CCDC12: variants seen among roughly 807,000 people sequenced by gnomAD.
CCDC12 encodes the protein coiled-coil domain containing 12, also known as coiled-coil domain-containing protein 12.
CCDC12 carries 28 observed loss-of-function variants against 25.7 expected under a neutral mutation model. That is an observed-to-expected ratio of 1.09 (90% confidence interval 0.81 to 1.50). The LOEUF (loss-of-function observed/expected upper bound fraction) is 1.50, where lower values mean the gene tolerates loss of function less well. Ranked by LOEUF, CCDC12 falls within the 40% of genes most tolerant of loss-of-function variation. The probability of loss-of-function intolerance (pLI) is 0.00; values close to 1 mark genes in which losing one functional copy is unlikely to be tolerated. For synonymous variants in CCDC12, 75 were observed against 87.7 expected, an observed-to-expected ratio of 0.86 and a Z score of 0.81; for missense variants, 198 against 210.0, an observed-to-expected ratio of 0.94 and a Z score of 0.35.
chr3:46,979,920 C>A, upstream of CCDC12: 1 of 386,918 alleles, frequency 2.6e-6, no homozygotes, highest in Non-Finnish European at 4.6e-6. Flanking sequence ...CAGGTGAGCC[C>A]GCCCCGCCCC....
At chr3:46,948,444 C>T (rs2033990618) in intron 1 of CCDC12, among the ~76,000 whole-genome samples, 1 of 152,230 alleles carries the variant, frequency 6.6e-6, no homozygotes, top group Admixed American at 6.5e-5. Flanking sequence ...TGCCTCAACG[C>T]TGTGGGGAGA....
chr3:46,928,317 C>T (rs1423137191), intron 2 of CCDC12, among the ~76,000 whole-genome samples: 2 of 152,178 alleles, frequency 1.3e-5, no homozygotes, highest in Non-Finnish European at 1.5e-5. Flanking sequence ...TCAGGGGCTG[C>T]AATCATGGAG....
intron 2 of CCDC12, among the ~76,000 whole-genome samples, chr3:46,934,389 T>C (rs1380755196): frequency 1.3e-5 from 2 of 152,240 alleles, no homozygotes; most frequent in East Asian, 1.9e-4. Flanking sequence ...GGGGTCTCAG[T>C]GCCAGCTCCA....
intron 1 of CCDC12, among the ~76,000 whole-genome samples, chr3:46,965,307 C>T (rs1310743112): frequency 6.6e-6 from 1 of 152,240 alleles, no homozygotes; most frequent in Non-Finnish European, 1.5e-5. Context: ...CCTTGTAATA[C>T]CACAGAAGTC....
chr3:46,932,236 G>A (rs753178035), intron 2 of CCDC12, among the ~76,000 whole-genome samples: 6 of 152,186 alleles, frequency 3.9e-5, no homozygotes, highest in East Asian at 1.9e-4. Flanking sequence ...ATATACGCAC[G>A]ATCCTGGCAG....
Position 46,941,056 on chromosome 3 carries a change from C to G in CCDC12, c.106G>C (p.Asp36His). The G allele has an allele frequency of 6.2e-7, 1 of 1,614,190 alleles. No homozygotes were observed. Among genetic ancestry groups the G allele is most frequent in the Non-Finnish European group, 8.5e-7 (1 of 1,180,020 alleles). The change falls in exon 2 of 7, where the codon GAT becomes CAT. Residue 36 changes from aspartate to histidine, a missense_variant. Asp to His is a moderately conservative substitution (Grantham distance 81). Coordinates refer to ENST00000683445, the MANE Select transcript of CCDC12 (RefSeq NM_001277074.2). Reference sequence around the variant, plus strand: ...AGATGCTTGGTCTTTGGCTCCCCATCTTCCTTGTCCTGCAAAGAAAGGGAG... The same window carrying G: ...AGATGCTTGGTCTTTGGCTCCCCATGTTCCTTGTCCTGCAAAGAAAGGGAG... ...REKTGRKDKE[D>H]GEPKTKHLRE... is the part of the protein sequence containing the mutation.
At chr3:46,965,920 T>C (rs1265855520) in intron 1 of CCDC12, 1 of 152,386 alleles carries the variant, frequency 6.6e-6, no homozygotes, top group East Asian at 1.9e-4. Context: ...CACTTAACCC[T>C]TATCCTGGGA....
At chr3:46,950,118 G>A (rs899866946) in intron 1 of CCDC12, among the ~76,000 whole-genome samples, 1 of 151,424 alleles carries the variant, frequency 6.6e-6, no homozygotes, top group African/African-American at 2.4e-5. Flanking sequence ...GGCCTAATTC[G>A]AACCCTGGTT....
intron 2 of CCDC12, among the ~76,000 whole-genome samples, chr3:46,933,407 A>G (rs949365092): frequency 2.6e-5 from 4 of 152,202 alleles, no homozygotes; most frequent in Non-Finnish European, 5.9e-5. Context: ...ACAGATCAAC[A>G]GCTATGGCCA....
rs527369258 is a variant in CCDC12, at chr3:46,959,741, T to C, written c.96+16896A>G. 2.0e-5 allele frequency among the ~76,000 whole-genome samples: 3 copies of C among 152,114 alleles called. No individual in the cohort carries two copies. The East Asian group carries it at 5.8e-4, about 29-fold the overall frequency. ...GCAAGGAAGAAGGGCCTTCCACAGA[T>C]CATCTTCCCAAATTCAGACCACCTC... is the stretch of plus-strand genomic sequence containing the variant. On this transcript the variant is annotated intron_variant, in intron 1 of 6. Coordinates refer to ENST00000683445, the MANE Select transcript of CCDC12 (RefSeq NM_001277074.2).
chr3:46,962,660 A>C (rs1182687360), intron 1 of CCDC12, among the ~76,000 whole-genome samples: 2 of 152,164 alleles, frequency 1.3e-5, no homozygotes, highest in Non-Finnish European at 2.9e-5. Flanking sequence ...ATTAGGTAGG[A>C]AATACAAATT....
chr3:46,948,388 A>T (rs1322410448), intron 1 of CCDC12, among the ~76,000 whole-genome samples: 1 of 152,216 alleles, frequency 6.6e-6, no homozygotes. Context: ...AGGACTGGAG[A>T]TAAGGACGGG....
intron 1 of CCDC12, among the ~76,000 whole-genome samples, chr3:46,947,373 G>A (rs1021786999): frequency 3.3e-5 from 5 of 152,226 alleles, no homozygotes; most frequent in Non-Finnish European, 7.3e-5. Context: ...GCCCCATGCC[G>A]GGGTGGAGGG....
Position 46,922,159 on chromosome 3 carries a change from G to C in CCDC12, c.419-20C>G, listed in dbSNP as rs1239421151. 14 of 1,614,262 alleles carry C rather than the reference G, an allele frequency of 8.7e-6. No individual in the cohort carries two copies. The highest frequency in any genetic ancestry group is 1.2e-5 in the Non-Finnish European group (14 of 1,180,036). On this transcript the variant is annotated intron_variant, in intron 6 of 6. Coordinates refer to ENST00000683445, the MANE Select transcript of CCDC12 (RefSeq NM_001277074.2). The stretch of plus-strand genomic sequence containing the variant: ...TTTCACCTGGGATGGATGGCAGACA[G>C]AAGGGGTGGGGAGGGGCCCGGTGCT...
chr3:46,974,717 T>G (rs565217669), intron 1 of CCDC12, among the ~76,000 whole-genome samples: 17 of 152,354 alleles, frequency 1.1e-4, no homozygotes, highest in Admixed American at 9.1e-4. Flanking sequence ...CCAGCCTGTT[T>G]TTTCAGTTGG....
chr3:46,937,059 T>C (rs9833500), intron 2 of CCDC12, among the ~76,000 whole-genome samples: 141,064 of 152,226 alleles, frequency 0.93, 66,339 homozygotes, highest in East Asian at 1. Flanking sequence ...AGAGACAACT[T>C]AGTCTTTCCC....
rs2290545 is a variant in CCDC12 at position 46,925,550 on chromosome 3, G to A, written c.165-15C>T. The A allele has an allele frequency of 0.73, 1,122,813 of 1,544,434 alleles. 410,965 individuals carry two copies. Among genetic ancestry groups the A allele is most frequent in the African/African-American group, 0.87 (64,046 of 73,328 alleles). On this transcript the variant is annotated splice_polypyrimidine_tract_variant and intron_variant, in intron 2 of 6. Transcript: ENST00000683445. Reference sequence around the variant, plus strand: ...GCCTAAGTTCCCTGCAAGAATAGAGGGAACAAGCAGAGATGAAGTCAGTGT... The same window carrying A: ...GCCTAAGTTCCCTGCAAGAATAGAGAGAACAAGCAGAGATGAAGTCAGTGT...
intron 1 of CCDC12, among the ~76,000 whole-genome samples, chr3:46,964,427 C>T (rs1317645082): frequency 1.3e-5 from 2 of 152,202 alleles, no homozygotes; most frequent in African/African-American, 2.4e-5. Flanking sequence ...CCCCTCTACC[C>T]GGCCACCACC....
intron 1 of CCDC12, among the ~76,000 whole-genome samples, chr3:46,953,189 T>G (rs1370388649): frequency 6.6e-6 from 1 of 152,116 alleles, no homozygotes; most frequent in Non-Finnish European, 1.5e-5. Flanking sequence ...TTTAGAGCTG[T>G]GTTTCTCACA....
Sources: gnomAD v4.1 joint callset for allele counts (sites outside exome capture counted in the v4.1 genomes callset) on GRCh38, gnomAD v4.1.1 for gene constraint, MANE v1.5 for transcripts, NCBI Gene and HGNC (gene_info 2026-07-23, HGNC 2026-07-21) for gene names.